FHIT: variants seen among roughly 807,000 people sequenced by gnomAD.
FHIT encodes fragile histidine triad diadenosine triphosphatase.
A neutral mutation model predicts 17.9 loss-of-function variants in FHIT; 19 were observed. The observed-to-expected ratio is 1.06, with a 90% CI of 0.74 to 1.56. The LOEUF is 1.56. FHIT is among the 40% of genes most tolerant of loss of function. The pLI, the probability that FHIT is intolerant of heterozygous loss-of-function variation, is 0.00. For synonymous variants in FHIT, 81 were observed against 69.7 expected, an observed-to-expected ratio of 1.16 and a Z score of -0.81; for missense variants, 248 against 189.2, an observed-to-expected ratio of 1.31 and a Z score of -1.82.
intron 5 of FHIT, among the ~76,000 whole-genome samples, chr3:60,302,280 T>C (rs1708486832): frequency 1.3e-5 from 2 of 152,128 alleles, no homozygotes; most frequent in Admixed American, 1.3e-4. Context: ...TAAATGTTTA[T>C]ATCTTCAGTG....
At chr3:61,210,000 T>C (rs1229732678) in intron 1 of FHIT, among the ~76,000 whole-genome samples, 2 of 152,248 alleles carry the variant, frequency 1.3e-5, no homozygotes, top group African/African-American at 4.8e-5. Context: ...GGTGTGGATG[T>C]CCTTTCTGTT....
chr3:60,139,000 G>C (rs1029669567), intron 5 of FHIT, among the ~76,000 whole-genome samples: 1 of 152,158 alleles, frequency 6.6e-6, no homozygotes, highest in Non-Finnish European at 1.5e-5. Context: ...GGTACTGAAA[G>C]ATGAGTGCCC....
intron 4 of FHIT, among the ~76,000 whole-genome samples, chr3:60,788,298 C>CA (rs1359716279): frequency 2.6e-5 from 4 of 151,366 alleles, no homozygotes; most frequent in Admixed American, 6.6e-5. Flanking sequence ...CTCTTAAAAA[C>CA]AAAAAAAATA....
chr3:60,658,789 A>T (rs1037870149), intron 4 of FHIT, among the ~76,000 whole-genome samples: 11 of 152,228 alleles, frequency 7.2e-5, no homozygotes, highest in African/African-American at 2.6e-4. Context: ...GGAGTTAACA[A>T]AGCATTATTA....
intron 3 of FHIT, among the ~76,000 whole-genome samples, chr3:61,013,968 A>G (rs992987303): frequency 6.6e-6 from 1 of 152,146 alleles, no homozygotes; most frequent in Non-Finnish European, 1.5e-5. Flanking sequence ...CTTATCTGTA[A>G]AATAAGAAAG....
chr3:60,890,039 A>G (rs1705430682), intron 3 of FHIT, among the ~76,000 whole-genome samples: 1 of 152,166 alleles, frequency 6.6e-6, no homozygotes, highest in African/African-American at 2.4e-5. Context: ...GTGTCAACAC[A>G]TGCTTAATAC....
intron 5 of FHIT, among the ~76,000 whole-genome samples, chr3:60,183,997 C>CT (rs1702055739): frequency 1.8e-5 from 1 of 56,378 alleles, no homozygotes; most frequent in African/African-American, 5.1e-5. Flanking sequence ...ATTTATTTTT[C>CT]GTTTTTTTTT....
chr3:61,213,029 C>T (rs1256633108), intron 1 of FHIT, among the ~76,000 whole-genome samples: 18 of 152,262 alleles, frequency 1.2e-4, no homozygotes, highest in Non-Finnish European at 2.2e-4. Flanking sequence ...AAGGAACAAC[C>T]AGTACCAGCC....
chr3:61,118,806 T>G (rs1229695832), intron 2 of FHIT, among the ~76,000 whole-genome samples: 1 of 152,172 alleles, frequency 6.6e-6, no homozygotes, highest in Non-Finnish European at 1.5e-5. Context: ...ATAAAGTTAT[T>G]TATTTATTAA....
At chr3:60,044,471 T>C (rs1701568838) in intron 5 of FHIT, among the ~76,000 whole-genome samples, 1 of 152,164 alleles carries the variant, frequency 6.6e-6, no homozygotes. Flanking sequence ...AAGCAAATCG[T>C]GTCCCTCATT....
chr3:60,804,010 C>T (rs1553733185), intron 4 of FHIT, among the ~76,000 whole-genome samples: 1 of 152,168 alleles, frequency 6.6e-6, no homozygotes, highest in Admixed American at 6.5e-5. Context: ...CAACTAATTG[C>T]CACCCTCGGA....
At chr3:60,743,645 GCCTT>G (rs1239562885) in intron 4 of FHIT, among the ~76,000 whole-genome samples, 1 of 152,166 alleles carries the variant, frequency 6.6e-6, no homozygotes, top group East Asian at 1.9e-4. Flanking sequence ...CACATGCCAA[GCCTT>G]CTAAGTCCCA....
Position 60,059,314 on chromosome 3 carries a change from G to C in FHIT, c.104-45162C>G, listed in dbSNP as rs376422399. Among the ~76,000 whole-genome samples the C allele has an allele frequency of 8.9e-4, 136 of 152,296 alleles. 3 individuals carry two copies. In the South Asian group the frequency reaches 0.028, roughly 31 times the overall value. On this transcript the variant is annotated intron_variant, in intron 5 of 9. Coordinates refer to ENST00000492590, the MANE Select transcript of FHIT (RefSeq NM_002012.4). ...TGGGGCATTCCACTGGAAAAGGGAA[G>C]AAAGCCTCAGGTGGGCATACATACA...
chr3:60,261,248 A>G (rs1576385015), intron 5 of FHIT, among the ~76,000 whole-genome samples: 1 of 152,184 alleles, frequency 6.6e-6, no homozygotes, highest in South Asian at 2.1e-4. Context: ...ATGAGGTCCA[A>G]GAACCCTTTC....
chr3:60,811,769 T>G (rs1169020395), intron 4 of FHIT, among the ~76,000 whole-genome samples: 1 of 152,152 alleles, frequency 6.6e-6, no homozygotes, highest in Non-Finnish European at 1.5e-5. Flanking sequence ...CATATTAGCC[T>G]TCTAGTTACG....
chr3:59,819,852 T>A (rs1047227115), intron 8 of FHIT, among the ~76,000 whole-genome samples: 5 of 152,206 alleles, frequency 3.3e-5, no homozygotes, highest in African/African-American at 1.2e-4. Flanking sequence ...ACATGGGGGC[T>A]CTACCCTCAT....
At chr3:60,429,284 T>C (rs1263165634) in intron 5 of FHIT, among the ~76,000 whole-genome samples, 1 of 151,950 alleles carries the variant, frequency 6.6e-6, no homozygotes, top group Non-Finnish European at 1.5e-5. Flanking sequence ...CACTTATCAA[T>C]AGTAATGAAA....
At chr3:60,419,414 T>G (rs557422558) in intron 5 of FHIT, among the ~76,000 whole-genome samples, 14 of 152,186 alleles carry the variant, frequency 9.2e-5, no homozygotes, top group Admixed American at 3.3e-4. Context: ...AGGGCAAGAG[T>G]TGGCACTTTC....
At chr3:60,753,703 T>C (rs1172417667) in intron 4 of FHIT, among the ~76,000 whole-genome samples, 2 of 152,088 alleles carry the variant, frequency 1.3e-5, no homozygotes, top group South Asian at 2.1e-4. Context: ...TTGTGGGAAC[T>C]CACAAGATAC....
Sources: allele counts gnomAD v4.1 joint callset (sites outside exome capture counted in the v4.1 genomes callset), GRCh38; gene constraint gnomAD v4.1.1; transcripts MANE v1.5; gene names NCBI Gene and HGNC (gene_info 2026-07-23, HGNC 2026-07-21).